Variants in DCAF1 observed in about 807,000 individuals in gnomAD.
DCAF1 encodes DDB1- and CUL4-associated factor 1.
A neutral mutation model predicts 128.0 loss-of-function variants in DCAF1; 15 were observed. The observed-to-expected ratio is 0.12, with a 90% confidence interval of 0.08 to 0.18. The LOEUF is 0.18. Among genes scored for constraint, DCAF1 ranks in the 10% least tolerant of loss-of-function variants. DCAF1 has a pLI of 1.00. For synonymous variants in DCAF1, 610 were observed against 603.0 expected (o/e 1.01, Z -0.17); for missense variants, 988 against 1,649.5 (o/e 0.60, Z 6.95).
chr3:51,467,958 C>T (rs577490638), intron 4 of DCAF1, among the ~76,000 whole-genome samples: 39 of 152,278 alleles, frequency 2.6e-4, no homozygotes, highest in African/African-American at 8.4e-4. Flanking sequence ...ACAATGACAA[C>T]AGCAACAGAG....
chr3:51,453,674 C>T (rs537151351), intron 6 of DCAF1, among the ~76,000 whole-genome samples: 4 of 150,916 alleles, frequency 2.7e-5, no homozygotes, highest in East Asian at 2.0e-4. Context: ...AGCAACTGGC[C>T]GGGCACAGTG....
intron 2 of DCAF1, among the ~76,000 whole-genome samples, chr3:51,494,091 C>T (rs888183549): frequency 6.7e-6 from 1 of 149,728 alleles, no homozygotes; most frequent in Non-Finnish European, 1.5e-5. Context: ...TGGGCAGTGA[C>T]TGCTAAATGG....
At chr3:51,494,144 ACT>A (rs1707978361) in intron 2 of DCAF1, among the ~76,000 whole-genome samples, 1 of 135,894 alleles carries the variant, frequency 7.4e-6, no homozygotes, top group African/African-American at 2.8e-5. Context: ...ATGGAGTCTC[ACT>A]CTGTCGCCCA....
At chr3:51,485,149 A>G (rs1471993707) in intron 2 of DCAF1, among the ~76,000 whole-genome samples, 4 of 152,190 alleles carry the variant, frequency 2.6e-5, no homozygotes, top group Non-Finnish European at 4.4e-5. Context: ...TCCTGACCTC[A>G]GGTGATCCAC....
At chr3:51,463,063 A>C in intron 6 of DCAF1, 51 bp downstream of exon 6, 5 of 1,256,568 alleles carry the variant, frequency 4.0e-6, no homozygotes, top group Non-Finnish European at 5.5e-6. Context: ...AATCAAATAC[A>C]TCATAATTCA....
In DCAF1 at chr3:51,420,426, T is replaced by G; in HGVS notation, c.2544A>C (p.Lys848Asn). 1 of 1,614,062 alleles carries G rather than the reference T, an allele frequency of 6.2e-7. No homozygotes were observed. The highest frequency in any genetic ancestry group is 8.5e-7 in the Non-Finnish European group (1 of 1,179,906). ...GGTTTCGTATCAACAAAAGCAGCTCTTTCTCAGGGAAGGAGATCCTTGACT... is the reference window on the plus strand; with the variant it reads ...GGTTTCGTATCAACAAAAGCAGCTCGTTCTCAGGGAAGGAGATCCTTGACT... ...VAQSRISFPE[K>N]ELLLLIRNHL... Residue 848 changes from lysine (K) to asparagine (N), a missense_variant, in exon 15 of 25, where the codon AAA becomes AAC. Around this residue, in one of 11 missense-constraint regions of DCAF1, gnomAD observed 76 missense variants for 186.9 expected, o/e 0.41. Transcript: ENST00000684031. This position sits in a 1 kb window ranked among gnomAD's most constrained non-coding sequence, Gnocchi z 6.5.
chr3:51,485,653 T>C (rs561541582), intron 2 of DCAF1, among the ~76,000 whole-genome samples: 6 of 152,230 alleles, frequency 3.9e-5, no homozygotes, highest in Non-Finnish European at 8.8e-5. Flanking sequence ...CTAGCTGATC[T>C]AAAATGAACT....
chr3:51,489,416 C>A (rs536543786), intron 2 of DCAF1, among the ~76,000 whole-genome samples: 1 of 152,164 alleles, frequency 6.6e-6, no homozygotes, highest in South Asian at 2.1e-4. Context: ...GCCTGGGCAA[C>A]AGAGTGAGAC....
chr3:51,430,224 T>G lies in DCAF1; in HGVS notation c.1288-12A>C. ...GGATGCATGCAAACCTGCAAAAAAATACAAATAAAACAATGCTTTTAAATT... is the reference window on the plus strand; with the variant it reads ...GGATGCATGCAAACCTGCAAAAAAAGACAAATAAAACAATGCTTTTAAATT... On this transcript the variant is annotated splice_polypyrimidine_tract_variant and intron_variant, in intron 10 of 24. Transcript: ENST00000684031. The G allele has an allele frequency of 2.6e-6, 2 of 769,600 alleles. No homozygotes were observed. The highest frequency in any genetic ancestry group is 2.7e-5 in the South Asian group (2 of 73,288). The allele number at this position is 769,600 out of a possible 1,614,324, so 47.7% of individuals were successfully genotyped here.
At position 51,478,961 on chromosome 3, in the gene DCAF1, T is replaced by C. The variant is rs558251910; in HGVS notation, c.110+4758A>G. ...ACTTTCATAATATTATAGTTCTTTC[T>C]CCATAAAAAGAGATCACTGCACAAA... On this transcript the variant is annotated intron_variant, in intron 3 of 24. Transcript: ENST00000684031. 3.9e-5 allele frequency among the ~76,000 whole-genome samples: 6 copies of C among 152,310 alleles called. No individual in the cohort carries two copies. The South Asian group carries it at 1.2e-3, about 32-fold the overall frequency.
rs143299198 is a variant in DCAF1 at position 51,488,026 on chromosome 3, G to A, written c.-8-4190C>T. 7.1e-3 allele frequency among the ~76,000 whole-genome samples: 1,076 copies of A among 151,872 alleles called. 4 individuals are homozygous for A. The highest frequency in any genetic ancestry group is 0.024 in the Middle Eastern group (7 of 294). On this transcript the variant is annotated intron_variant, in intron 2 of 24. Coordinates refer to ENST00000684031, the MANE Select transcript of DCAF1 (RefSeq NM_001387579.1). ...GCTACAGGCACGCGCCATCATGCCC[G>A]GCTAATTTTTGTACTTTTAGTAGAG...
chr3:51,489,811 A>ATGTGTG (rs553794183), intron 2 of DCAF1, among the ~76,000 whole-genome samples: 3 of 114,326 alleles, frequency 2.6e-5, no homozygotes, highest in South Asian at 6.3e-4. Flanking sequence ...GTGTGTATGC[A>ATGTGTG]TGTGTGTGTG....
At chr3:51,455,309 T>C (rs1553642564) in intron 6 of DCAF1, among the ~76,000 whole-genome samples, 3 of 152,130 alleles carry the variant, frequency 2.0e-5, no homozygotes, top group Non-Finnish European at 1.5e-5. Flanking sequence ...TATAAATCCA[T>C]TCCAGAAACA....
chr3:51,440,177 G>C, intron 9 of DCAF1: 1 of 509,734 alleles, frequency 2.0e-6, no homozygotes. Context: ...TTTCTGTAGA[G>C]ATAGTAAGCC....
At chr3:51,413,829 A>G in intron 20 of DCAF1, 121 bp downstream of exon 20, 2 of 1,226,276 alleles carry the variant, frequency 1.6e-6, no homozygotes, top group African/African-American at 3.1e-5. Flanking sequence ...TTTATCTTTT[A>G]TGTTACAACT....
At chr3:51,462,745 CAAA>C (rs10715121) in intron 6 of DCAF1, among the ~76,000 whole-genome samples, 4 of 79,326 alleles carry the variant, frequency 5.0e-5, no homozygotes, top group African/African-American at 9.0e-5. Context: ...GACACCATCT[CAAA>C]AAAAAAAAAA....
At chr3:51,399,729 A>G (rs1199340235) in intron 24 of DCAF1, among the ~76,000 whole-genome samples, 1 of 152,162 alleles carries the variant, frequency 6.6e-6, no homozygotes, top group Non-Finnish European at 1.5e-5. Flanking sequence ...AAAGAAAAGG[A>G]AAGTTCTCAG....
intron 6 of DCAF1, among the ~76,000 whole-genome samples, chr3:51,448,451 G>GCCTCAAGGGAT (rs1329190381): frequency 6.6e-5 from 10 of 152,076 alleles, no homozygotes; most frequent in South Asian, 6.2e-4. Context: ...TGAACTCCTG[G>GCCTCAAGGGAT]CCTCAAGGGA....
chr3:51,412,285 G>C (rs1698501514), intron 23 of DCAF1, 94 bp downstream of exon 23: 1 of 1,558,806 alleles, frequency 6.4e-7, no homozygotes, highest in Non-Finnish European at 8.7e-7. Context: ...GGTAGCAAAG[G>C]TTGAGTAGAC....
Sources: gnomAD v4.1 joint callset for allele counts (sites outside exome capture counted in the v4.1 genomes callset) on GRCh38, gnomAD v4.1.1 for gene constraint, gnomAD v4.1.1 regional missense constraint, Gnocchi (gnomAD v3.1) non-coding constraint, MANE v1.5 for transcripts, NCBI Gene and HGNC (gene_info 2026-07-23, HGNC 2026-07-21) for gene names.